The following RTN1 variants were observed in gnomAD, a reference collection of about 807,000 sequenced individuals.
RTN1 encodes reticulon-1.
A neutral mutation model predicts 65.5 loss-of-function variants in RTN1; 25 were observed. The observed-to-expected ratio is 0.38, with a 90% CI of 0.28 to 0.53. The LOEUF is 0.53. Among genes scored for constraint, RTN1 ranks in the 20% least tolerant of loss-of-function variants. RTN1 has a pLI of 0.79. For synonymous variants in RTN1, 471 were observed against 447.6 expected, an observed-to-expected ratio of 1.05 and a Z score of -0.66; for missense variants, 983 against 1,025.4, an observed-to-expected ratio of 0.96 and a Z score of 0.57.
At position 59,870,414 on chromosome 14, in the gene RTN1, C is replaced by G. The variant is rs1346194642; in HGVS notation, c.217G>C (p.Val73Leu). The G allele has an allele frequency of 6.6e-7, 1 of 1,523,682 alleles. No homozygotes were observed. Among genetic ancestry groups the G allele is most frequent in the Non-Finnish European group, 8.7e-7 (1 of 1,147,740 alleles). 94.4% of individuals were successfully genotyped at this position (1,523,682 alleles called of 1,614,324 possible). ...AGSGPARQSP[V>L]AMETASTGVA... Reference sequence around the variant, plus strand: ...CCTGTGGATGCAGTTTCCATGGCAACGGGCGACTGCCGGGCGGGGCCCGAG... The same window carrying G: ...CCTGTGGATGCAGTTTCCATGGCAAGGGGCGACTGCCGGGCGGGGCCCGAG... Residue 73 changes from valine (V) to leucine (L), a missense_variant, in exon 1 of 9, where the codon GTT becomes CTT. Physicochemically the swap from Val to Leu is conservative, Grantham distance 32. Around this residue, in one of 2 missense-constraint regions of RTN1, gnomAD observed 818 missense variants for 801.8 expected, o/e 1.02. Transcript: ENST00000267484. The surrounding 1 kb of genome is among the most constrained non-coding windows in gnomAD (Gnocchi z 5.1).
intron 3 of RTN1, among the ~76,000 whole-genome samples, chr14:59,668,803 C>A (rs1472038210): frequency 6.6e-6 from 1 of 152,168 alleles, no homozygotes; most frequent in Non-Finnish European, 1.5e-5. Flanking sequence ...AGGATATGAA[C>A]AGACACTTCT....
intron 1 of RTN1, among the ~76,000 whole-genome samples, chr14:59,791,152 T>A (rs966277302): frequency 6.6e-6 from 1 of 152,164 alleles, no homozygotes; most frequent in Non-Finnish European, 1.5e-5. Flanking sequence ...CAAAATAAAT[T>A]CATCTCTCCT....
At chr14:59,801,645 C>T (rs1011173886) in intron 1 of RTN1, among the ~76,000 whole-genome samples, 2 of 151,972 alleles carry the variant, frequency 1.3e-5, no homozygotes, top group Non-Finnish European at 2.9e-5. Flanking sequence ...TATGAAATTT[C>T]ATATATATGT....
chr14:59,843,415 T>G (rs1459687458), intron 1 of RTN1, among the ~76,000 whole-genome samples: 1 of 152,234 alleles, frequency 6.6e-6, no homozygotes, highest in African/African-American at 2.4e-5. Context: ...TCCACCAAAC[T>G]GTATAAGTGA....
At position 59,816,487 on chromosome 14, in the gene RTN1, G is replaced by A. The variant is rs1344710793; in HGVS notation, c.241+53903C>T. On this transcript the variant is annotated intron_variant, in intron 1 of 8. Coordinates refer to ENST00000267484, the MANE Select transcript of RTN1 (RefSeq NM_021136.3). The surrounding 1 kb of genome is among the most constrained non-coding windows in gnomAD (Gnocchi z 4.3). The stretch of plus-strand genomic sequence containing the variant: ...TATCTCCAGCACTCACACAGCACCT[G>A]AGACACAGTAGGAGGCTTAATAAAT... Among the ~76,000 whole-genome samples the A allele has an allele frequency of 6.6e-6, 1 of 152,156 alleles. No homozygotes were observed.
intron 1 of RTN1, among the ~76,000 whole-genome samples, chr14:59,764,761 T>C (rs1432909947): frequency 6.6e-6 from 1 of 152,206 alleles, no homozygotes; most frequent in Non-Finnish European, 1.5e-5. Flanking sequence ...TGTAGACATT[T>C]TGTTATCTTT....
chr14:59,836,556 C>A lies in RTN1; in HGVS notation c.241+33834G>T, dbSNP rs893031571. Among the ~76,000 whole-genome samples the A allele has an allele frequency of 2.0e-5, 3 of 152,176 alleles. No individual in the cohort carries two copies. Among genetic ancestry groups the A allele is most frequent in the Admixed American group, 1.3e-4 (2 of 15,294 alleles). On this transcript the variant is annotated intron_variant, in intron 1 of 8. Transcript: ENST00000267484. This position sits in a 1 kb window ranked among gnomAD's most constrained non-coding sequence, Gnocchi z 4.9. ...TTGCTATTAGAAAAAATTGATGAAA[C>A]CAGGAGGGAGGACATCCCAGATTTT...
At chr14:59,867,854 T>C (rs1167397307) in intron 1 of RTN1, among the ~76,000 whole-genome samples, 1 of 152,214 alleles carries the variant, frequency 6.6e-6, no homozygotes, top group Non-Finnish European at 1.5e-5. Flanking sequence ...TAAAGCACTC[T>C]TCTGCCATGT....
At chr14:59,605,330 A>C in intron 5 of RTN1, 38 bp downstream of exon 5, 1 of 1,593,526 alleles carries the variant, frequency 6.3e-7, no homozygotes. Flanking sequence ...GGAAAATAAC[A>C]GTCAAGACTG....
At chr14:59,640,958 C>T (rs1882766782) in intron 3 of RTN1, among the ~76,000 whole-genome samples, 1 of 151,644 alleles carries the variant, frequency 6.6e-6, no homozygotes, top group Non-Finnish European at 1.5e-5. Flanking sequence ...AGCTTATTTT[C>T]ACTTTCCTTC....
chr14:59,603,213 T>C lies in RTN1; in HGVS notation c.2228A>G (p.Gln743Arg). 7.4e-6 allele frequency: 12 copies of C among 1,613,336 alleles called. No individual in the cohort carries two copies. The highest frequency in any genetic ancestry group is 1.0e-5 in the Non-Finnish European group (12 of 1,179,652). The change falls in exon 7 of 9, where the codon CAG (glutamine) becomes CGG (arginine). Residue 743 changes from glutamine (Q) to arginine (R), a missense_variant and splice_region_variant. This residue lies in a region of RTN1 where 165 missense variants were observed against 223.6 expected (regional missense o/e 0.74). Transcript: ENST00000267484. ...TTTTTGACATCACATAGAACTTACC[T>C]GGTGCTTAACATACACTACAGGTAG... ...FTLPVVYVKHQAQIDQYLGLV... is the reference protein window; with the variant it reads ...FTLPVVYVKHRAQIDQYLGLV...
intron 3 of RTN1, among the ~76,000 whole-genome samples, chr14:59,709,979 C>T (rs753938975): frequency 1.4e-5 from 2 of 145,484 alleles, no homozygotes; most frequent in African/African-American, 2.5e-5. Flanking sequence ...TTCCCTCCCT[C>T]CCTCCCTTCC....
At chr14:59,728,106 G>A (rs550344054) in intron 2 of RTN1, among the ~76,000 whole-genome samples, 19 of 152,122 alleles carry the variant, frequency 1.2e-4, no homozygotes, top group African/African-American at 4.1e-4. Flanking sequence ...TTGGGCCCAC[G>A]AATATCAACA....
intron 1 of RTN1, among the ~76,000 whole-genome samples, chr14:59,784,296 C>A (rs1012673500): frequency 1.3e-5 from 2 of 152,040 alleles, no homozygotes; most frequent in South Asian, 2.1e-4. Context: ...ACAAAATTAG[C>A]CGGGCGTGGT....
In RTN1 at chr14:59,712,779, G is replaced by T. The variant is rs528040372; in HGVS notation, c.1765+14140C>A. On this transcript the variant is annotated intron_variant, in intron 3 of 8. Transcript: ENST00000267484. ...ATACAAAATTAGCTGGGTGTGGTGG[G>T]GCATGCCTGTAATCCCAGCTACTTG... is the stretch of plus-strand genomic sequence containing the variant. 3.3e-5 allele frequency among the ~76,000 whole-genome samples: 5 copies of T among 151,802 alleles called. No individual in the cohort carries two copies. The South Asian group carries it at 1.0e-3, about 32-fold the overall frequency.
intron 3 of RTN1, among the ~76,000 whole-genome samples, chr14:59,683,633 C>T (rs905415019): frequency 2.0e-5 from 3 of 152,060 alleles, no homozygotes; most frequent in African/African-American, 7.2e-5. Flanking sequence ...TCTGTTTATT[C>T]ATTTCTATTT....
At chr14:59,734,766 G>A (rs535524779) in intron 2 of RTN1, among the ~76,000 whole-genome samples, 1 of 152,190 alleles carries the variant, frequency 6.6e-6, no homozygotes, top group East Asian at 1.9e-4. Flanking sequence ...GCTAATTAGG[G>A]TACCTGAAAG....
intron 1 of RTN1, among the ~76,000 whole-genome samples, chr14:59,844,570 G>C (rs555529902): frequency 6.6e-6 from 1 of 152,300 alleles, no homozygotes; most frequent in South Asian, 2.1e-4. Flanking sequence ...ATGGTGGTTT[G>C]GTTGCCAGGC....
chr14:59,617,772 A>G (rs540187030), intron 3 of RTN1, among the ~76,000 whole-genome samples: 1 of 152,348 alleles, frequency 6.6e-6, no homozygotes, highest in South Asian at 2.1e-4. Flanking sequence ...AAAACTATAA[A>G]TAAGAGTACT....
Sources: allele counts gnomAD v4.1 joint callset (sites outside exome capture counted in the v4.1 genomes callset), GRCh38; gene constraint gnomAD v4.1.1; regional missense constraint gnomAD v4.1.1; non-coding constraint Gnocchi (gnomAD v3.1); transcripts MANE v1.5; gene names NCBI Gene and HGNC (gene_info 2026-07-23, HGNC 2026-07-21).